The following CPEB4 variants were observed in gnomAD, a reference collection of about 807,000 sequenced individuals.
CPEB4 encodes the protein cytoplasmic polyadenylation element-binding protein 4.
CPEB4 carries 12 observed loss-of-function variants against 72.5 expected under a neutral mutation model. That is an observed-to-expected ratio of 0.17 (90% CI 0.11 to 0.27). The LOEUF (loss-of-function observed/expected upper bound fraction) is 0.27, where lower values mean the gene tolerates loss of function less well. Among genes scored for constraint, CPEB4 ranks in the 10% least tolerant of loss-of-function variants. The pLI is 1.00. For synonymous variants in CPEB4, 302 were observed against 326.3 expected (o/e 0.93, Z 0.80); for missense variants, 614 against 908.5 (o/e 0.68, Z 4.17).
chr5:173,920,271 AG>A (rs1757023634), intron 2 of CPEB4, among the ~76,000 whole-genome samples: 5 of 152,202 alleles, frequency 3.3e-5, no homozygotes, highest in African/African-American at 1.2e-4. Context: ...GGTTGATGCC[AG>A]TTGCTGTGTA....
rs359468 is a variant in CPEB4 at position 173,892,055 on chromosome 5, T to C, written c.1125+1197T>C. ...ACATGTGCTACAGCTAGAGGGTTACTTTAGAAATATTTCTGCAAAGGCTGA... is the reference window on the plus strand; with the variant it reads ...ACATGTGCTACAGCTAGAGGGTTACCTTAGAAATATTTCTGCAAAGGCTGA... On this transcript the variant is annotated intron_variant, in intron 1 of 9. Transcript: ENST00000265085. 6.5e-3 allele frequency among the ~76,000 whole-genome samples: 987 copies of C among 152,170 alleles called. 8 individuals carry two copies. The highest frequency in any genetic ancestry group is 0.023 in the African/African-American group (955 of 41,520).
At chr5:173,918,656 C>T (rs1756965823) in intron 2 of CPEB4, among the ~76,000 whole-genome samples, 1 of 152,206 alleles carries the variant, frequency 6.6e-6, no homozygotes, top group Admixed American at 6.5e-5. Context: ...GGGCCAGATC[C>T]TCATCTGCCC....
At position 173,956,012 on chromosome 5, in the gene CPEB4, T is replaced by C; in HGVS notation, c.2065T>C (p.Cys689Arg). 6.2e-7 allele frequency: 1 copy of C among 1,614,188 alleles called. No homozygotes were observed. The highest frequency in any genetic ancestry group is 8.5e-7 in the Non-Finnish European group (1 of 1,180,002). Residue 689 changes from cysteine to arginine, a missense_variant, in exon 10 of 10, where the codon TGT becomes CGT. Around this residue, in one of 5 missense-constraint regions of CPEB4, gnomAD observed 101 missense variants for 243.1 expected, o/e 0.42. Coordinates refer to ENST00000265085, the MANE Select transcript of CPEB4 (RefSeq NM_030627.4). The part of the protein sequence containing the change: ...FAPFFCANVT[C>R]LQYYCEYCWA... ...TCCATTTTTCTGTGCTAATGTTACC[T>C]GTCTGCAGTATTACTGTGAATATTG...
Position 173,951,894 on chromosome 5 carries a change from G to T in CPEB4, c.1736G>T (p.Arg579Leu). 1 of 1,613,760 alleles carries T rather than the reference G, an allele frequency of 6.2e-7. No individual in the cohort carries two copies. The change falls in exon 8 of 10, where the codon CGA becomes CTA. Residue 579 changes from arginine to leucine, a missense_variant. By Grantham distance (102) the Arg-to-Leu change is moderately radical. This residue lies in a region of CPEB4 where 101 missense variants were observed against 243.1 expected (regional missense o/e 0.42). Transcript: ENST00000265085. ...VMDGSQPLDP[R>L]KTIFVGGVPR... ...GATGGTTCACAGCCACTTGACCCAC[G>T]AAAAACTATATTTGTTGGTGGTGTT...
chr5:173,913,752 G>A (rs1581127202), intron 2 of CPEB4, among the ~76,000 whole-genome samples: 1 of 152,158 alleles, frequency 6.6e-6, no homozygotes, highest in East Asian at 1.9e-4. Flanking sequence ...GATCTAATCT[G>A]GGAACATACA....
Position 173,890,547 on chromosome 5 carries a change from C to T in CPEB4, c.814C>T (p.Pro272Ser). 2 of 1,614,108 alleles carry T rather than the reference C, an allele frequency of 1.2e-6. No individual in the cohort carries two copies. Among genetic ancestry groups the T allele is most frequent in the Non-Finnish European group, 1.7e-6 (2 of 1,180,022 alleles). Residue 272 changes from proline to serine, a missense_variant, in exon 1 of 10, where the codon CCT becomes TCT. Around this residue, in one of 5 missense-constraint regions of CPEB4, gnomAD observed 458 missense variants for 548.6 expected, o/e 0.83. Coordinates refer to ENST00000265085, the MANE Select transcript of CPEB4 (RefSeq NM_030627.4). ...TAGAAATGCTGCTTTTAACCAGCTG[C>T]CTCATTTGGCGAATAATCTTAACAA... Reference protein sequence around the residue: ...THRNAAFNQLPHLANNLNKPP... With the variant: ...THRNAAFNQLSHLANNLNKPP...
At chr5:173,951,392 A>G (rs546648004) in intron 7 of CPEB4, among the ~76,000 whole-genome samples, 3 of 152,356 alleles carry the variant, frequency 2.0e-5, no homozygotes, top group African/African-American at 4.8e-5. Flanking sequence ...ATTTGATAGT[A>G]TCAGGAGTAG....
chr5:173,929,923 G>C (rs778626538), intron 2 of CPEB4, among the ~76,000 whole-genome samples: 3 of 152,108 alleles, frequency 2.0e-5, no homozygotes, highest in Non-Finnish European at 4.4e-5. Context: ...TATGATAAAT[G>C]AAAGTGTGAT....
chr5:173,930,598 C>T (rs1757410473), intron 2 of CPEB4, among the ~76,000 whole-genome samples: 1 of 152,118 alleles, frequency 6.6e-6, no homozygotes, highest in Non-Finnish European at 1.5e-5. Context: ...CATCTCCATT[C>T]CTACCTCCAC....
Position 173,944,977 on chromosome 5 carries a change from A to C in CPEB4, c.1293A>C (p.Ser431=), listed in dbSNP as rs151173872. ...RTYGRRRGQS[S]LFPMEDGFLD... ...TGCTTTCTATTCCAGGTCAGTCTTCACTGTTTCCAATGGAAGATGGATTCT... is the reference window on the plus strand; with the variant it reads ...TGCTTTCTATTCCAGGTCAGTCTTCCCTGTTTCCAATGGAAGATGGATTCT... Residue 431 remains serine (S), a synonymous_variant, in exon 5 of 10, where the codon TCA becomes TCC. Transcript: ENST00000265085. 808 of 1,612,060 alleles carry C rather than the reference A, an allele frequency of 5.0e-4. 5 individuals are homozygous for C. The Middle Eastern group carries it at 5.6e-3, about 11-fold the overall frequency.
At chr5:173,954,616 AC>A (rs1403707978) in intron 9 of CPEB4, among the ~76,000 whole-genome samples, 3 of 152,042 alleles carry the variant, frequency 2.0e-5, no homozygotes, top group Non-Finnish European at 4.4e-5. Flanking sequence ...CAAGGGATCC[AC>A]CTGCCTCACC....
In CPEB4 at chr5:173,958,424, AT is replaced by A. The variant is rs1758444515; in HGVS notation, c.*2293del. The A allele has an allele frequency of 6.6e-6, 1 of 152,290 alleles. No homozygotes were observed. Among genetic ancestry groups the A allele is most frequent in the Admixed American group, 6.6e-5 (1 of 15,254 alleles). 9.4% of individuals were successfully genotyped at this position (152,290 alleles called of 1,614,324 possible). ...TTACTGAGAGATCTTCATATACTTC[AT>A]TTTTTAATATAAATAATTTTAATAA... On this transcript the variant is annotated 3_prime_UTR_variant, in exon 10 of 10. Coordinates refer to ENST00000265085, the MANE Select transcript of CPEB4 (RefSeq NM_030627.4).
intron 1 of CPEB4, among the ~76,000 whole-genome samples, chr5:173,891,779 C>T (rs1755820863): frequency 1.3e-5 from 2 of 152,068 alleles, no homozygotes; most frequent in African/African-American, 4.8e-5. Flanking sequence ...AATGTATATA[C>T]TTTGAGGGTA....
intron 3 of CPEB4, 65 bp downstream of exon 3, chr5:173,932,565 G>A (rs1757485413): frequency 8.3e-7 from 1 of 1,211,340 alleles, no homozygotes; most frequent in Admixed American, 2.0e-5. Context: ...TGCTTCAGCA[G>A]TGGAGAAATG....
chr5:173,920,552 C>T (rs911638355), intron 2 of CPEB4, among the ~76,000 whole-genome samples: 3 of 152,050 alleles, frequency 2.0e-5, no homozygotes, highest in Admixed American at 6.6e-5. Context: ...CCAAATGTTA[C>T]GAAATAAAAG....
intron 2 of CPEB4, among the ~76,000 whole-genome samples, chr5:173,931,542 A>C (rs1231941499): frequency 6.6e-6 from 1 of 152,206 alleles, no homozygotes; most frequent in East Asian, 1.9e-4. Context: ...TTCTTCAGTC[A>C]TTCTTCTCAA....
chr5:173,894,557 G>A (rs982711860), intron 1 of CPEB4, among the ~76,000 whole-genome samples: 2 of 149,130 alleles, frequency 1.3e-5, no homozygotes. Flanking sequence ...GGAGGTGGAG[G>A]TTGCAGTGAG....
intron 1 of CPEB4, chr5:173,891,572 G>T (rs1279365295): frequency 6.6e-6 from 1 of 152,166 alleles, no homozygotes; most frequent in Non-Finnish European, 1.5e-5. Context: ...ATTTTCCAAT[G>T]TTAACATTGA....
intron 2 of CPEB4, among the ~76,000 whole-genome samples, chr5:173,917,800 C>T (rs1018382751): frequency 6.6e-6 from 1 of 152,192 alleles, no homozygotes; most frequent in Non-Finnish European, 1.5e-5. Context: ...TCAAATTTCT[C>T]CTTCCAAGTA....
Sources: allele counts gnomAD v4.1 joint callset (sites outside exome capture counted in the v4.1 genomes callset), GRCh38; gene constraint gnomAD v4.1.1; regional missense constraint gnomAD v4.1.1; transcripts MANE v1.5; gene names NCBI Gene and HGNC (gene_info 2026-07-23, HGNC 2026-07-21).